STK3: variants seen among roughly 807,000 people sequenced by gnomAD.
The protein encoded by STK3 is serine/threonine-protein kinase 3.
In STK3, 41 loss-of-function variants were observed where a neutral mutation model predicts 58.0. The ratio of observed to expected loss-of-function variants is 0.71; its 90% CI spans 0.55 to 0.92. The LOEUF (loss-of-function observed/expected upper bound fraction) is 0.92. Among genes scored for constraint, STK3 ranks in the 40% least tolerant of loss-of-function variants. The probability of loss-of-function intolerance (pLI) is 0.00; values close to 1 mark genes in which losing one functional copy is unlikely to be tolerated. For missense variants in STK3, 479 were observed against 602.7 expected (o/e 0.79, Z 2.15); for synonymous variants, 170 against 191.0 (o/e 0.89, Z 0.91).
chr8:98,696,538 C>T (rs1419027158), intron 6 of STK3, among the ~76,000 whole-genome samples: 2 of 151,988 alleles, frequency 1.3e-5, no homozygotes, highest in Non-Finnish European at 2.9e-5. Context: ...CCCATCAATA[C>T]CTAATTTATG....
At chr8:98,482,136 G>A (rs1821901933) in intron 10 of STK3, among the ~76,000 whole-genome samples, 1 of 152,130 alleles carries the variant, frequency 6.6e-6, no homozygotes, top group Non-Finnish European at 1.5e-5. Flanking sequence ...TTCCCAAGGA[G>A]CTCTAAAAAG....
intron 6 of STK3, among the ~76,000 whole-genome samples, chr8:98,662,196 C>T (rs1376461345): frequency 6.6e-6 from 1 of 152,078 alleles, no homozygotes; most frequent in African/African-American, 2.4e-5. Flanking sequence ...AGACAAACAT[C>T]AAAATTAATA....
chr8:98,615,444 G>C (rs1173876978), intron 6 of STK3, among the ~76,000 whole-genome samples: 8 of 151,518 alleles, frequency 5.3e-5, no homozygotes, highest in African/African-American at 1.9e-4. Context: ...ACCAGCAATG[G>C]AACAAAGCTG....
chr8:98,756,214 C>T (rs1418991581), intron 3 of STK3, among the ~76,000 whole-genome samples: 1 of 150,732 alleles, frequency 6.6e-6, no homozygotes, highest in Non-Finnish European at 1.5e-5. Context: ...ATAAATCACA[C>T]AAAAAACTAA....
intron 6 of STK3, among the ~76,000 whole-genome samples, chr8:98,624,177 T>G (rs550935163): frequency 1.2e-4 from 18 of 152,324 alleles, no homozygotes; most frequent in African/African-American, 4.3e-4. Context: ...CATTTCAGAT[T>G]AGAAATCAAT....
chr8:98,610,017 T>C (rs1817069865), intron 6 of STK3, among the ~76,000 whole-genome samples: 1 of 151,234 alleles, frequency 6.6e-6, no homozygotes, highest in South Asian at 2.1e-4. Context: ...ACTAATTGCA[T>C]GTATTATCAA....
intron 4 of STK3, among the ~76,000 whole-genome samples, chr8:98,717,625 T>C (rs183721800): frequency 6.6e-6 from 1 of 152,232 alleles, no homozygotes; most frequent in African/African-American, 2.4e-5. Context: ...CCTTTAAAAG[T>C]TAAACATAAA....
chr8:98,697,894 C>A (rs1825134891), intron 6 of STK3, among the ~76,000 whole-genome samples: 2 of 152,156 alleles, frequency 1.3e-5, no homozygotes. Context: ...TGGTGCACAG[C>A]TGAGTTCAAT....
At chr8:98,695,699 G>A (rs1782062157) in intron 6 of STK3, among the ~76,000 whole-genome samples, 2 of 152,194 alleles carry the variant, frequency 1.3e-5, no homozygotes, top group South Asian at 4.2e-4. Context: ...CTGTTCCATT[G>A]ATCTATATCT....
At chr8:98,458,134 CAT>C (rs879943121) in intron 10 of STK3, among the ~76,000 whole-genome samples, 31 of 147,184 alleles carry the variant, frequency 2.1e-4, no homozygotes, top group Admixed American at 2.7e-4. Context: ...CACACACACA[CAT>C]GTGCACACAC....
downstream of STK3, chr8:98,879,018 C>A (rs1375741798): frequency 6.6e-6 from 1 of 151,362 alleles, no homozygotes; most frequent in Non-Finnish European, 1.5e-5. Flanking sequence ...CCTACCTCAG[C>A]CTCCCGAGTA....
At chr8:98,874,190 C>T (rs1837480878) in intron 3 of STK3, among the ~76,000 whole-genome samples, 1 of 152,188 alleles carries the variant, frequency 6.6e-6, no homozygotes, top group Admixed American at 6.5e-5. Flanking sequence ...TTCTGGCTTG[C>T]AGAGTTTCTG....
At chr8:98,724,767 A>C (rs1055067143) in intron 4 of STK3, among the ~76,000 whole-genome samples, 3 of 152,198 alleles carry the variant, frequency 2.0e-5, no homozygotes, top group African/African-American at 7.2e-5. Flanking sequence ...GAACACCTTA[A>C]GCAAAATTAT....
intron 8 of STK3, among the ~76,000 whole-genome samples, chr8:98,551,564 A>G (rs1434056947): frequency 6.6e-6 from 1 of 152,176 alleles, no homozygotes; most frequent in African/African-American, 2.4e-5. Flanking sequence ...CTATCACAAA[A>G]GACTGCCAGA....
At chr8:98,452,905 C>T (rs189710230), downstream of STK3, among the ~76,000 whole-genome samples, 7 of 150,116 alleles carry the variant, frequency 4.7e-5, no homozygotes, top group Non-Finnish European at 8.9e-5. Context: ...GGATTACAGG[C>T]GCCTGCTACC....
At chr8:98,655,344 T>G (rs1049091631) in intron 6 of STK3, among the ~76,000 whole-genome samples, 1 of 152,172 alleles carries the variant, frequency 6.6e-6, no homozygotes, top group African/African-American at 2.4e-5. Context: ...TCAAGATGGA[T>G]TAAAGACTTA....
chr8:98,940,309 G>A (rs982111272), intron 1 of STK3, among the ~76,000 whole-genome samples: 2 of 152,248 alleles, frequency 1.3e-5, no homozygotes, highest in African/African-American at 2.4e-5. Flanking sequence ...CCTTGCGCCG[G>A]CTCTGGGCTC....
intron 6 of STK3, chr8:98,633,668 ACT>A (rs1487342939): frequency 1.4e-6 from 1 of 703,360 alleles, no homozygotes; most frequent in African/African-American, 1.8e-5. Flanking sequence ...CTGTACAGAA[ACT>A]CTTTATGTAC....
At chr8:98,661,235 G>T (rs73275899) in intron 6 of STK3, among the ~76,000 whole-genome samples, 2,265 of 152,076 alleles carry the variant, frequency 0.015, 51 homozygotes, top group African/African-American at 0.052. Flanking sequence ...ATAACTAAAG[G>T]AAATACAGCC....
Sources: allele counts gnomAD v4.1 joint callset (sites outside exome capture counted in the v4.1 genomes callset), GRCh38; gene constraint gnomAD v4.1.1; transcripts MANE v1.5; gene names NCBI Gene and HGNC (gene_info 2026-07-23, HGNC 2026-07-21).